The following OR1B1 variants were observed in gnomAD, a reference collection of about 807,000 sequenced individuals.
OR1B1 encodes olfactory receptor family 1 subfamily B member 1, also known as olfactory receptor 1B1.
For missense variants in OR1B1, 414 were observed against 402.1 expected (o/e 1.03, Z -0.25); for synonymous variants, 168 against 156.2 (o/e 1.08, Z -0.57).
the OR1B1 span, among the ~76,000 whole-genome samples, chr9:122,641,419 G>A: frequency 2.6e-5 from 4 of 152,134 alleles, no homozygotes; most frequent in South Asian, 4.1e-4. Context: ...GTCACGGCAA[G>A]GGTTAGAGAC....
At chr9:122,644,150 G>A in the OR1B1 span, among the ~76,000 whole-genome samples, 1 of 151,500 alleles carries the variant, frequency 6.6e-6, no homozygotes, top group Non-Finnish European at 1.5e-5. Context: ...GCAATAATCA[G>A]GCTATTGGGG....
At chr9:122,642,982 G>T in the OR1B1 span, among the ~76,000 whole-genome samples, 1 of 152,116 alleles carries the variant, frequency 6.6e-6, no homozygotes, top group South Asian at 2.1e-4. Flanking sequence ...ATAGTGCCTG[G>T]CATGTACTAA....
At chr9:122,638,209 T>G in the OR1B1 span, among the ~76,000 whole-genome samples, 2 of 152,214 alleles carry the variant, frequency 1.3e-5, no homozygotes, top group Non-Finnish European at 2.9e-5. Context: ...AGTAGTTTTC[T>G]TTAGGAAAAG....
upstream of OR1B1, among the ~76,000 whole-genome samples, chr9:122,632,736 T>C (rs910246788): frequency 1.3e-5 from 2 of 152,114 alleles, no homozygotes; most frequent in African/African-American, 4.8e-5. Flanking sequence ...CTAAGAAAAA[T>C]ACCCAGGAGA....
At chr9:122,629,639 A>C, upstream of OR1B1, 1 of 691,258 alleles carries the variant, frequency 1.4e-6, no homozygotes, top group Non-Finnish European at 2.4e-6. Flanking sequence ...TACGTTACTA[A>C]AGATCGTTAA....
exon 1 of OR1B1, chr9:122,629,425 G>A (rs150340538): frequency 1.9e-6 from 3 of 1,614,044 alleles, no homozygotes; most frequent in Non-Finnish European, 1.7e-6. Flanking sequence ...TGGTGGTCAG[G>A]TAAATAGCCA....
the OR1B1 span, among the ~76,000 whole-genome samples, chr9:122,655,048 A>T: frequency 8.5e-4 from 129 of 152,316 alleles, 1 homozygote; most frequent in East Asian, 0.013. Flanking sequence ...GTACTCCATA[A>T]ATTACACAAT....
chr9:122,655,023 T>A, the OR1B1 span, among the ~76,000 whole-genome samples: 1 of 152,198 alleles, frequency 6.6e-6, no homozygotes, highest in Non-Finnish European at 1.5e-5. Context: ...CAAACATACA[T>A]CAAAATATCA....
chr9:122,629,100 A>G, exon 1 of OR1B1: 3 of 1,614,148 alleles, frequency 1.9e-6, no homozygotes, highest in Non-Finnish European at 2.5e-6. Flanking sequence ...AAGGCTAGTA[A>G]GCAGGCACAC....
chr9:122,629,040 G>A (rs1021548627), exon 1 of OR1B1: 4 of 1,613,948 alleles, frequency 2.5e-6, no homozygotes, highest in Non-Finnish European at 3.4e-6. Flanking sequence ...CAAAGAGGCA[G>A]GACGAGTCCC....
At position 122,629,495 on chromosome 9, in the gene OR1B1, A is replaced by AG. The variant is rs1830184034; in HGVS notation, c.40_41insC (p.Phe14SerfsTer10). 1 of 1,612,632 alleles carries AG rather than the reference A, an allele frequency of 6.2e-7. No homozygotes were observed. Among genetic ancestry groups the AG allele is most frequent in the East Asian group, 2.2e-5 (1 of 44,862 alleles). On this transcript the variant is annotated frameshift_variant, in exon 1 of 1. Coordinates refer to ENST00000623530, the Ensembl canonical transcript of OR1B1. LOFTEE classifies it low-confidence loss of function (END_TRUNC). ...AGCTCTCGAGAACCCAAGGAGCAAA[A>AG]AAACCGGAGAGTGTGAAGCATTAGG...
At chr9:122,631,736 C>T (rs1830205584), upstream of OR1B1, among the ~76,000 whole-genome samples, 1 of 152,038 alleles carries the variant, frequency 6.6e-6, no homozygotes, top group Non-Finnish European at 1.5e-5. Context: ...GAGACCACCA[C>T]ATAAATTGAG....
chr9:122,631,426 C>T (rs1477847196), upstream of OR1B1, among the ~76,000 whole-genome samples: 2 of 152,166 alleles, frequency 1.3e-5, no homozygotes, highest in Non-Finnish European at 1.5e-5. Flanking sequence ...ATCCGCCCAC[C>T]TCGGCCTCCC....
rs11421222 is a variant in OR1B1 at position 122,629,491 on chromosome 9, C to CA, written c.44dup (p.Leu15PhefsTer9). ...TGTTAGCTCTCGAGAACCCAAGGAG[C>CA]AAAAAAACCGGAGAGTGTGAAGCAT... is the stretch of plus-strand genomic sequence containing the variant. On this transcript the variant is annotated frameshift_variant, in exon 1 of 1. Coordinates refer to ENST00000623530, the Ensembl canonical transcript of OR1B1. LOFTEE classifies it low-confidence loss of function (END_TRUNC). 0.49 allele frequency: 787,774 copies of CA among 1,608,368 alleles called. 196,273 individuals are homozygous for CA. The highest frequency in any genetic ancestry group is 0.51 in the Non-Finnish European group (600,814 of 1,177,156).
chr9:122,635,314 TA>T, the OR1B1 span, among the ~76,000 whole-genome samples: 1 of 152,232 alleles, frequency 6.6e-6, no homozygotes, highest in South Asian at 2.1e-4. Context: ...CCTTACGTTT[TA>T]AAAACTAAAT....
the OR1B1 span, among the ~76,000 whole-genome samples, chr9:122,643,038 T>G: frequency 6.6e-6 from 1 of 152,058 alleles, no homozygotes. Context: ...AATGGGGGTG[T>G]GGGGCAAGAT....
At chr9:122,644,467 A>C in the OR1B1 span, among the ~76,000 whole-genome samples, 1 of 152,208 alleles carries the variant, frequency 6.6e-6, no homozygotes, top group African/African-American at 2.4e-5. Flanking sequence ...GTAAATTGCT[A>C]AGCTTTTGAA....
At chr9:122,652,422 AAG>A in the OR1B1 span, among the ~76,000 whole-genome samples, 1 of 152,208 alleles carries the variant, frequency 6.6e-6, no homozygotes, top group Non-Finnish European at 1.5e-5. Context: ...AAAAACCAGG[AAG>A]AGATTAGGTT....
At chr9:122,656,266 A>G in the OR1B1 span, among the ~76,000 whole-genome samples, 1 of 152,204 alleles carries the variant, frequency 6.6e-6, no homozygotes, top group Non-Finnish European at 1.5e-5. Flanking sequence ...GATTTCAGAT[A>G]TTATACATAG....
Sources: gnomAD v4.1 joint callset for allele counts (sites outside exome capture counted in the v4.1 genomes callset) on GRCh38, gnomAD v4.1.1 for gene constraint, MANE v1.5 for transcripts, NCBI Gene and HGNC (gene_info 2026-07-23, HGNC 2026-07-21) for gene names.